The following LRRC37B variants were observed in gnomAD, a reference collection of about 807,000 sequenced individuals.
The protein encoded by LRRC37B is leucine-rich repeat-containing protein 37B.
LRRC37B carries 28 observed loss-of-function variants against 98.3 expected under a neutral mutation model. The ratio of observed to expected loss-of-function variants is 0.28; its 90% CI spans 0.21 to 0.39. The LOEUF is 0.39. LRRC37B is among the 10% of genes least tolerant of loss of function. LRRC37B has a pLI of 1.00. For missense variants in LRRC37B, 938 were observed against 1,182.7 expected, an observed-to-expected ratio of 0.79 and a Z score of 3.03; for synonymous variants, 364 against 442.7, an observed-to-expected ratio of 0.82 and a Z score of 2.23.
chr17:32,007,671 C>T (rs905686627), upstream of LRRC37B, among the ~76,000 whole-genome samples: 8 of 151,324 alleles, frequency 5.3e-5, no homozygotes, highest in African/African-American at 9.7e-5. The surrounding 1 kb of genome is among the most constrained non-coding windows in gnomAD (Gnocchi z 4.1). Context: ...CGCTGCGCCC[C>T]GGCCCCGCCG....
At chr17:32,052,491 G>A (rs1911786627) in intron 11 of LRRC37B, 1 of 152,120 alleles carries the variant, frequency 6.6e-6, no homozygotes, top group South Asian at 2.1e-4. Context: ...TCAATAAAAT[G>A]CGTTAAGTAC....
At chr17:32,027,655 C>G in intron 2 of LRRC37B, 114 bp from the exon 6 acceptor site, 3 of 1,183,434 alleles carry the variant, frequency 2.5e-6, no homozygotes, top group East Asian at 5.3e-5. Context: ...AGAGCAGATC[C>G]CACCATCTTG....
chr17:32,007,629 C>A (rs1336148559), upstream of LRRC37B, among the ~76,000 whole-genome samples: 1 of 151,442 alleles, frequency 6.6e-6, no homozygotes, highest in Non-Finnish European at 1.5e-5. This position sits in a 1 kb window ranked among gnomAD's most constrained non-coding sequence, Gnocchi z 4.1. Flanking sequence ...CGGGGCAGGC[C>A]GACCAAGCAG....
At chr17:32,016,358 G>A (rs1475975454), upstream of LRRC37B, among the ~76,000 whole-genome samples, 1 of 152,160 alleles carries the variant, frequency 6.6e-6, no homozygotes, top group Non-Finnish European at 1.5e-5. Context: ...TTGGTCTTTG[G>A]TTCTCCGTTT....
upstream of LRRC37B, chr17:32,017,003 T>A (rs1027475281): frequency 1.2e-4 from 19 of 152,294 alleles, no homozygotes; most frequent in African/African-American, 4.6e-4. Context: ...CATCTGGATC[T>A]TAGGGGAAAT....
At chr17:32,035,534 A>G (rs1911222086) in intron 6 of LRRC37B, 31 bp from the exon 10 acceptor site, 4 of 1,591,072 alleles carry the variant, frequency 2.5e-6, no homozygotes, top group Non-Finnish European at 3.4e-6. Context: ...TAATGGGTTC[A>G]TATCATGAAT....
chr17:32,039,532 T>TC (rs1911360014), intron 7 of LRRC37B, among the ~76,000 whole-genome samples: 3 of 97,788 alleles, frequency 3.1e-5, no homozygotes, highest in South Asian at 3.0e-4. Flanking sequence ...ATGTATGTAT[T>TC]TTTATATATA....
intron 9 of LRRC37B, among the ~76,000 whole-genome samples, chr17:32,048,191 G>A (rs1399012906): frequency 6.6e-6 from 1 of 152,072 alleles, no homozygotes; most frequent in Non-Finnish European, 1.5e-5. Context: ...TCAAAGTGTA[G>A]GCAAAAACCT....
rs1311694130 is a variant in LRRC37B, at chr17:32,048,998, A to G, written c.2465-104A>G. 58 of 1,596,246 alleles carry G rather than the reference A, an allele frequency of 3.6e-5. No homozygotes were observed. In the East Asian group the frequency reaches 1.1e-3, roughly 31 times the overall value. The stretch of plus-strand genomic sequence containing the variant: ...CCGCTGGGACTGCATTCAACTTAGA[A>G]CCAACTGTTAAACAAACTGAGACAA... On this transcript the variant is annotated intron_variant, in intron 9 of 11. Coordinates refer to ENST00000327564, the Ensembl canonical transcript of LRRC37B.
In LRRC37B at chr17:32,037,058, C is replaced by T. The variant is rs1342647248; in HGVS notation, c.2204+1419C>T. 2.9e-5 allele frequency among the ~76,000 whole-genome samples: 4 copies of T among 137,142 alleles called. No homozygotes were observed. The East Asian group carries it at 9.8e-4, about 34-fold the overall frequency. The allele number at this position is 137,142 out of a possible 152,430, so 90.0% of individuals were successfully genotyped here. ...CTAGAGTGCAGTGGTGCCATATCGG[C>T]TCACTGCAACCTCTACCTCCTGAGT... On this transcript the variant is annotated intron_variant, in intron 7 of 11. Coordinates refer to ENST00000327564, the Ensembl canonical transcript of LRRC37B.
At chr17:32,036,549 T>C (rs1911249343) in intron 7 of LRRC37B, among the ~76,000 whole-genome samples, 1 of 152,254 alleles carries the variant, frequency 6.6e-6, no homozygotes, top group Non-Finnish European at 1.5e-5. Context: ...TGTCATTTAT[T>C]ATATCAAGTA....
rs780110966 is a variant in LRRC37B at position 32,021,177 on chromosome 17, C to G, written c.112C>G (p.Pro38Ala). 62 of 1,613,390 alleles carry G rather than the reference C, an allele frequency of 3.8e-5. No individual in the cohort carries two copies. The highest frequency in any genetic ancestry group is 1.3e-4 in the Admixed American group (8 of 60,004). The change falls in exon 1 of 12, where the codon CCC becomes GCC. Residue 38 changes from proline (P) to alanine (A), a missense_variant. Around this residue, in one of 2 missense-constraint regions of LRRC37B, gnomAD observed 610 missense variants for 625.6 expected, o/e 0.98. Coordinates refer to ENST00000327564, the Ensembl canonical transcript of LRRC37B. ...TTGGCTGCGTTTCTGGGGCCCATGGCCCCTCCTTACGTGGCAACTATTGTC... is the reference window on the plus strand; with the variant it reads ...TTGGCTGCGTTTCTGGGGCCCATGGGCCCTCCTTACGTGGCAACTATTGTC...
upstream of LRRC37B, among the ~76,000 whole-genome samples, chr17:32,018,277 A>C (rs532268547): frequency 6.6e-6 from 1 of 152,286 alleles, no homozygotes; most frequent in South Asian, 2.1e-4. Flanking sequence ...TGGTGAGCCA[A>C]GATCATGTCA....
intron 9 of LRRC37B, 170 bp downstream of exon 12, chr17:32,048,071 C>T (rs1240965945): frequency 8.2e-7 from 1 of 1,218,828 alleles, no homozygotes; most frequent in African/African-American, 1.5e-5. Context: ...TTTTGAAAAA[C>T]AATAGAAAGA....
intron 8 of LRRC37B, chr17:32,047,479 C>T (rs1176856747): frequency 2.3e-6 from 1 of 444,308 alleles, no homozygotes; most frequent in South Asian, 2.1e-5. Context: ...TGGGCTTTGA[C>T]TGAGCACTGG....
At position 32,021,348 on chromosome 17, in the gene LRRC37B, G is replaced by A. The variant is rs985353672; in HGVS notation, c.283G>A (p.Ala95Thr). 3.7e-6 allele frequency: 6 copies of A among 1,613,834 alleles called. No individual in the cohort carries two copies. In the African/African-American group the frequency reaches 4.0e-5, roughly 11 times the overall value. ...TCCCCATGCACCTGCTCCCCCAGCA[G>A]CCCCGGGGGACTTTGATTACCTGGG... The change falls in exon 1 of 12, where the codon GCC becomes ACC. Residue 95 changes from alanine to threonine, a missense_variant. By Grantham distance (58) the Ala-to-Thr change is moderately conservative. Around this residue, in one of 2 missense-constraint regions of LRRC37B, gnomAD observed 610 missense variants for 625.6 expected, o/e 0.98. Transcript: ENST00000327564.
rs780979890 is a variant in LRRC37B, at chr17:32,021,383, T to C, written c.318T>C (p.Ala106=). 1 of 1,614,006 alleles carries C rather than the reference T, an allele frequency of 6.2e-7. No individual in the cohort carries two copies. ...ACTTTGATTACCTGGGGCCCTCTGC[T>C]TCTTCGCAGATGTCAGCCCTGCCTC... The change falls in exon 1 of 12, where the codon GCT becomes GCC. Residue 106 remains alanine (A), a synonymous_variant. Coordinates refer to ENST00000327564, the Ensembl canonical transcript of LRRC37B.
At chr17:32,035,539 A>G in intron 6 of LRRC37B, 26 bp from the exon 10 acceptor site, 1 of 1,598,884 alleles carries the variant, frequency 6.3e-7, no homozygotes. Context: ...GGTTCATATC[A>G]TGAATGTTTC....
intron 1 of LRRC37B, chr17:32,024,333 A>G (rs1910883665): frequency 1.7e-6 from 1 of 573,920 alleles, no homozygotes; most frequent in Non-Finnish European, 3.1e-6. Flanking sequence ...CTACTTATTT[A>G]TCGATAAAGA....
Sources: gnomAD v4.1 joint callset for allele counts (sites outside exome capture counted in the v4.1 genomes callset) on GRCh38, gnomAD v4.1.1 for gene constraint, gnomAD v4.1.1 regional missense constraint, Gnocchi (gnomAD v3.1) non-coding constraint, MANE v1.5 for transcripts, NCBI Gene and HGNC (gene_info 2026-07-23, HGNC 2026-07-21) for gene names.